FAM110B: variants seen among roughly 807,000 people sequenced by gnomAD.
The protein encoded by FAM110B is protein FAM110B.
A neutral mutation model predicts 20.4 loss-of-function variants in FAM110B; 6 were observed. The observed-to-expected ratio is 0.29, with a 90% CI of 0.16 to 0.58. FAM110B has a LOEUF of 0.58. FAM110B is among the 20% of genes least tolerant of loss of function. The pLI, the probability that FAM110B is intolerant of heterozygous loss-of-function variation, is 0.90. For synonymous variants in FAM110B, 226 were observed against 214.1 expected (o/e 1.06, Z -0.49); for missense variants, 434 against 498.2 (o/e 0.87, Z 1.23).
At chr8:58,092,906 C>T (rs565194111) in intron 3 of FAM110B, among the ~76,000 whole-genome samples, 1 of 152,264 alleles carries the variant, frequency 6.6e-6, no homozygotes, top group African/African-American at 2.4e-5. Flanking sequence ...TCTCTAGTAT[C>T]TATTGTTTCC....
intron 3 of FAM110B, among the ~76,000 whole-genome samples, chr8:58,084,678 G>A (rs533374417): frequency 7.2e-5 from 11 of 152,146 alleles, no homozygotes; most frequent in Non-Finnish European, 1.5e-4. Flanking sequence ...ATGAGCCACC[G>A]TGCCTGGTGA....
intron 3 of FAM110B, among the ~76,000 whole-genome samples, chr8:58,095,862 G>T (rs1347498090): frequency 1.3e-5 from 2 of 152,138 alleles, no homozygotes; most frequent in African/African-American, 4.8e-5. Context: ...CACTATTATT[G>T]TGTGGGAGTC....
Position 58,146,748 on chromosome 8 carries a change from G to T in FAM110B, c.518G>T (p.Ser173Ile), listed in dbSNP as rs199616146. ...LKVYPTQGRRSPQEGGSHVGR... is the reference protein window; with the variant it reads ...LKVYPTQGRRIPQEGGSHVGR... ...GTCTACCCCACGCAGGGCCGCAGGA[G>T]CCCGCAGGAGGGCGGCTCCCACGTG... is the stretch of plus-strand genomic sequence containing the variant. The change falls in exon 4 of 4, where the codon AGC (serine) becomes ATC (isoleucine). Residue 173 changes from serine to isoleucine, a missense_variant. Physicochemically the swap from Ser to Ile is moderately radical, Grantham distance 142. This residue lies in a region of FAM110B where 284 missense variants were observed against 278.3 expected (regional missense o/e 1.02). Transcript: ENST00000519262. 1.2e-6 allele frequency: 2 copies of T among 1,612,032 alleles called. No individual in the cohort carries two copies. Among genetic ancestry groups the T allele is most frequent in the Non-Finnish European group, 1.7e-6 (2 of 1,179,090 alleles).
chr8:57,995,079 G>A (rs1456491909), intron 1 of FAM110B, among the ~76,000 whole-genome samples: 1 of 152,122 alleles, frequency 6.6e-6, no homozygotes, highest in African/African-American at 2.4e-5. Context: ...CTCTGCGCTC[G>A]GCTTGGCTGC....
intron 1 of FAM110B, among the ~76,000 whole-genome samples, chr8:58,002,439 A>T (rs1353755300): frequency 2.0e-5 from 3 of 152,226 alleles, no homozygotes. Context: ...TGCTAGCAAC[A>T]TCATACTTTT....
intron 3 of FAM110B, chr8:58,106,265 C>G (rs1037849497): frequency 5.9e-5 from 9 of 152,150 alleles, no homozygotes; most frequent in African/African-American, 2.2e-4. Context: ...TCATCATGAT[C>G]AATGACCAAT....
At chr8:58,008,188 C>T (rs534945532) in intron 1 of FAM110B, among the ~76,000 whole-genome samples, 9 of 141,736 alleles carry the variant, frequency 6.3e-5, no homozygotes, top group South Asian at 2.3e-4. Flanking sequence ...ATTGCAATGG[C>T]GTGATCTCAG....
chr8:58,110,853 A>G (rs1298837573), intron 3 of FAM110B, among the ~76,000 whole-genome samples: 1 of 152,180 alleles, frequency 6.6e-6, no homozygotes, highest in African/African-American at 2.4e-5. Context: ...GGGAAATATT[A>G]TTGGTTATTA....
chr8:58,024,575 A>G (rs1804817992), intron 1 of FAM110B, among the ~76,000 whole-genome samples: 1 of 152,226 alleles, frequency 6.6e-6, no homozygotes, highest in African/African-American at 2.4e-5. Flanking sequence ...TGATTTGTCC[A>G]AGGTACGTTA....
At chr8:58,104,564 T>C (rs1005315556) in intron 3 of FAM110B, among the ~76,000 whole-genome samples, 9 of 152,228 alleles carry the variant, frequency 5.9e-5, no homozygotes, top group African/African-American at 2.2e-4. Flanking sequence ...TGCAGCCATC[T>C]ATGTTATTAA....
intron 1 of FAM110B, among the ~76,000 whole-genome samples, chr8:58,028,599 G>T (rs759234191): frequency 3.3e-5 from 5 of 152,016 alleles, no homozygotes; most frequent in African/African-American, 4.8e-5. Flanking sequence ...CCTTAATATG[G>T]TTGTTTGGCA....
chr8:58,140,061 C>T (rs1233162744), intron 3 of FAM110B, among the ~76,000 whole-genome samples: 5 of 152,146 alleles, frequency 3.3e-5, no homozygotes, highest in African/African-American at 9.7e-5. Flanking sequence ...GGAGGGACCA[C>T]TGTAGTTGTA....
chr8:58,127,789 A>T (rs1159483472), intron 3 of FAM110B, among the ~76,000 whole-genome samples: 1 of 152,238 alleles, frequency 6.6e-6, no homozygotes, highest in Admixed American at 6.5e-5. Flanking sequence ...CAAAACACTG[A>T]TGAAAAAAAT....
In FAM110B at chr8:58,072,699, G is replaced by A. The variant is rs1277774867; in HGVS notation, c.-413-2836G>A. Among the ~76,000 whole-genome samples the A allele has an allele frequency of 3.9e-5, 6 of 152,216 alleles. No individual in the cohort carries two copies. The East Asian group carries it at 1.2e-3, about 29-fold the overall frequency. ...GACATTTCTGACCAAACAACAATAGGTCTATCAGCATAAACATACATATCA... is the reference window on the plus strand; with the variant it reads ...GACATTTCTGACCAAACAACAATAGATCTATCAGCATAAACATACATATCA... On this transcript the variant is annotated intron_variant, in intron 2 of 3. Coordinates refer to ENST00000519262, the MANE Select transcript of FAM110B (RefSeq NM_001377989.1).
chr8:58,054,436 T>C (rs1278091059), intron 2 of FAM110B, among the ~76,000 whole-genome samples: 3 of 152,224 alleles, frequency 2.0e-5, no homozygotes, highest in African/African-American at 7.2e-5. Flanking sequence ...ATTTCTATAC[T>C]TCTCCCTAAT....
chr8:58,097,862 C>T (rs1337051045), intron 3 of FAM110B, among the ~76,000 whole-genome samples: 1 of 152,226 alleles, frequency 6.6e-6, no homozygotes, highest in African/African-American at 2.4e-5. Context: ...ACTCCAGACC[C>T]TGTTTGCATG....
chr8:58,016,436 G>A (rs1585813388), intron 1 of FAM110B, among the ~76,000 whole-genome samples: 1 of 152,332 alleles, frequency 6.6e-6, no homozygotes, highest in Non-Finnish European at 1.5e-5. Context: ...GAGCCTGGAG[G>A]CTCCAGCACC....
intron 2 of FAM110B, among the ~76,000 whole-genome samples, chr8:58,055,435 G>A (rs892452918): frequency 6.6e-6 from 1 of 151,970 alleles, no homozygotes; most frequent in South Asian, 2.1e-4. Flanking sequence ...TCCTTTTTTG[G>A]TATTTAAGTA....
At chr8:58,016,044 C>G (rs1804631125) in intron 1 of FAM110B, among the ~76,000 whole-genome samples, 1 of 151,908 alleles carries the variant, frequency 6.6e-6, no homozygotes, top group Non-Finnish European at 1.5e-5. Context: ...ATCTTAATAC[C>G]TCACGAAAAC....
Sources: gnomAD v4.1 joint callset for allele counts (sites outside exome capture counted in the v4.1 genomes callset) on GRCh38, gnomAD v4.1.1 for gene constraint, gnomAD v4.1.1 regional missense constraint, MANE v1.5 for transcripts, NCBI Gene and HGNC (gene_info 2026-07-23, HGNC 2026-07-21) for gene names.